Variants in CYFIP1 observed in about 807,000 individuals in gnomAD.
CYFIP1 encodes the protein cytoplasmic FMR1 interacting protein 1, also known as cytoplasmic FMR1-interacting protein 1.
CYFIP1 carries 58 observed loss-of-function variants against 163.5 expected under a neutral mutation model. The observed-to-expected ratio is 0.35, with a 90% CI of 0.29 to 0.44. CYFIP1 has a LOEUF of 0.44. CYFIP1 is among the 20% of genes least tolerant of loss of function. The pLI is 1.00. For synonymous variants in CYFIP1, 663 were observed against 660.7 expected, an observed-to-expected ratio of 1.00 and a Z score of -0.05; for missense variants, 1,338 against 1,653.8, an observed-to-expected ratio of 0.81 and a Z score of 3.31.
chr15:22,958,602 G>A (rs1030837310), intron 1 of CYFIP1, among the ~76,000 whole-genome samples: 1 of 152,204 alleles, frequency 6.6e-6, no homozygotes, highest in African/African-American at 2.4e-5. Context: ...TTCGGCCAGG[G>A]TCAGGCTGCC....
chr15:22,869,492 C>A lies in CYFIP1; in HGVS notation c.*536G>T, dbSNP rs1302503412. ...GATCTCATTAGTTTTATTTCTATAA[C>A]CTTTCGATCTGATGTCACGTTAGAT... On this transcript the variant is annotated 3_prime_UTR_variant, in exon 31 of 31. Coordinates refer to ENST00000617928, the MANE Select transcript of CYFIP1 (RefSeq NM_014608.6). The A allele has an allele frequency of 6.6e-6, 1 of 152,174 alleles. No homozygotes were observed. Among genetic ancestry groups the A allele is most frequent in the Non-Finnish European group, 1.5e-5 (1 of 68,108 alleles). 9.4% of individuals were successfully genotyped at this position (152,174 alleles called of 1,614,324 possible). A position where few individuals can be genotyped will look rare whatever the true frequency, so the allele number is the denominator to read the frequency against.
At chr15:22,897,215 G>C (rs4778467) in intron 22 of CYFIP1, among the ~76,000 whole-genome samples, 74,224 of 151,624 alleles carry the variant, frequency 0.49, 18,663 homozygotes, top group East Asian at 0.75. Flanking sequence ...CTCTGTCCCC[G>C]CAAAAAAAGG....
intron 1 of CYFIP1, among the ~76,000 whole-genome samples, chr15:22,957,871 A>G (rs1364221458): frequency 6.6e-6 from 1 of 152,226 alleles, no homozygotes; most frequent in African/African-American, 2.4e-5. Context: ...GAAGAAAAGC[A>G]TACTTTGCTG....
intron 23 of CYFIP1, among the ~76,000 whole-genome samples, chr15:22,889,082 A>G (rs1452689795): frequency 1.3e-5 from 2 of 152,082 alleles, no homozygotes; most frequent in African/African-American, 4.8e-5. Context: ...AAAAAGAAAA[A>G]CCATGTACTA....
At chr15:22,907,325 T>C (rs2060618338) in intron 21 of CYFIP1, among the ~76,000 whole-genome samples, 1 of 152,216 alleles carries the variant, frequency 6.6e-6, no homozygotes, top group South Asian at 2.1e-4. Flanking sequence ...TCAAATTGCC[T>C]GACTCACAGG....
At chr15:22,947,409 TG>T in intron 1 of CYFIP1, 118 bp from the exon 2 acceptor site, 1 of 1,404,424 alleles carries the variant, frequency 7.1e-7, no homozygotes, top group South Asian at 1.4e-5. Context: ...GCACCGGACA[TG>T]GCTGACAGGG....
At chr15:22,882,313 G>C (rs1005374030) in intron 24 of CYFIP1, among the ~76,000 whole-genome samples, 3 of 152,214 alleles carry the variant, frequency 2.0e-5, no homozygotes, top group Admixed American at 1.3e-4. Flanking sequence ...AGGCTCAGCT[G>C]TGGTGAGGTC....
intron 30 of CYFIP1, 137 bp from the exon 31 acceptor site, chr15:22,870,329 G>GT (rs11435642): frequency 0.5 from 413,731 of 829,778 alleles, 92,160 homozygotes; most frequent in Non-Finnish European, 0.52. Context: ...TTCTTTTTGG[G>GT]TTTTTTTTTG....
intron 9 of CYFIP1, among the ~76,000 whole-genome samples, chr15:22,935,289 C>T (rs1349788853): frequency 6.6e-6 from 1 of 152,188 alleles, no homozygotes; most frequent in African/African-American, 2.4e-5. Flanking sequence ...GACAGAGCCA[C>T]AGACAGATTC....
At position 22,903,767 on chromosome 15, in the gene CYFIP1, C is replaced by T. The variant is rs766903250; in HGVS notation, c.2527G>A (p.Val843Ile). ...SAPYGRITLHVFWELNYDFLP... is the reference protein window; with the variant it reads ...SAPYGRITLHIFWELNYDFLP... ...AAGTCATAGTTGAGCTCCCAGAAGA[C>T]GTGCAGGGTGATCCTCCCGTAGGGC... The change falls in exon 22 of 31, where the codon GTC (valine) becomes ATC (isoleucine). Residue 843 changes from valine (V) to isoleucine (I), a missense_variant. Val to Ile is a conservative substitution (Grantham distance 29, BLOSUM62 3). Around this residue, in one of 4 missense-constraint regions of CYFIP1, gnomAD observed 824 missense variants for 995.7 expected, o/e 0.83. Transcript: ENST00000617928. The T allele has an allele frequency of 1.5e-5, 24 of 1,614,064 alleles. No homozygotes were observed. Among genetic ancestry groups the T allele is most frequent in the East Asian group, 4.5e-5 (2 of 44,890 alleles).
chr15:22,912,429 C>T (rs2060819163), intron 17 of CYFIP1, 154 bp from the exon 18 acceptor site: 3 of 556,802 alleles, frequency 5.4e-6, no homozygotes, highest in South Asian at 5.5e-5. Context: ...TGTGAAAGCA[C>T]GTGGTGGCTG....
In CYFIP1 at chr15:22,926,098, T is replaced by C; in HGVS notation, c.1243A>G (p.Lys415Glu). ...TACTTGTCGGTGGGGTGCACAAGCT[T>C]CCAGGAATACTGTGGTGGCCGAAAG... ...SAHVMEVYSW[K>E]LVHPTDKYSN... Residue 415 changes from lysine to glutamate, a missense_variant, in exon 13 of 31, where the codon AAG becomes GAG. By Grantham distance (56) the Lys-to-Glu change is moderately conservative. Around this residue, in one of 4 missense-constraint regions of CYFIP1, gnomAD observed 824 missense variants for 995.7 expected, o/e 0.83. Coordinates refer to ENST00000617928, the MANE Select transcript of CYFIP1 (RefSeq NM_014608.6). 1.9e-6 allele frequency: 3 copies of C among 1,614,134 alleles called. No homozygotes were observed. Among genetic ancestry groups the C allele is most frequent in the Non-Finnish European group, 2.5e-6 (3 of 1,180,000 alleles).
rs114427417 is a variant in CYFIP1, at chr15:22,970,253, G to A, written c.-7+10034C>T. 9.2e-3 allele frequency among the ~76,000 whole-genome samples: 1,395 copies of A among 152,116 alleles called. 30 individuals are homozygous for A. The highest frequency in any genetic ancestry group is 0.031 in the African/African-American group (1,268 of 41,510). ...AAAAAATATAATCAAGGAGGTGAAA[G>A]ACTTACACACTAAAAAATATAAAAC... On this transcript the variant is annotated intron_variant, in intron 1 of 30. Transcript: ENST00000617928.
At chr15:22,890,417 G>A (rs953292841) in intron 23 of CYFIP1, among the ~76,000 whole-genome samples, 3 of 152,126 alleles carry the variant, frequency 2.0e-5, no homozygotes, top group Non-Finnish European at 2.9e-5. Flanking sequence ...ACAGGGCTTC[G>A]GGAAGTGAGG....
At chr15:22,883,755 T>G (rs2059847902) in intron 23 of CYFIP1, among the ~76,000 whole-genome samples, 1 of 146,050 alleles carries the variant, frequency 6.8e-6, no homozygotes, top group Admixed American at 7.0e-5. Context: ...ATGTGGAGCT[T>G]GCAGTGAGCC....
At chr15:22,871,617 A>T (rs1440101694) in intron 30 of CYFIP1, among the ~76,000 whole-genome samples, 5 of 152,156 alleles carry the variant, frequency 3.3e-5, no homozygotes, top group Admixed American at 2.6e-4. Context: ...GGACTGTAGA[A>T]CAGGGAGAGT....
chr15:22,904,826 A>G (rs1215702707), intron 21 of CYFIP1: 1 of 152,150 alleles, frequency 6.6e-6, no homozygotes, highest in African/African-American at 2.4e-5. Flanking sequence ...GTTTGACTCT[A>G]AGGATGAATA....
Position 22,896,426 on chromosome 15 carries a change from C to T in CYFIP1, c.2589-3449G>A, listed in dbSNP as rs144054492. 2.9e-3 allele frequency among the ~76,000 whole-genome samples: 443 copies of T among 152,114 alleles called. 6 individuals carry two copies. The highest frequency in any genetic ancestry group is 0.01 in the African/African-American group (415 of 41,462). ...ATTAATTTTGAAATCTTTTCTGCCC[C>T]CCGACAACCTCTTACTAGGATTCCA... On this transcript the variant is annotated intron_variant, in intron 22 of 30. Transcript: ENST00000617928.
chr15:22,916,655 T>C, intron 15 of CYFIP1, 25 bp from the exon 16 acceptor site: 1 of 1,613,966 alleles, frequency 6.2e-7, no homozygotes, highest in Non-Finnish European at 8.5e-7. Context: ...GAAACATTTG[T>C]GGGGGAGAAA....
Sources: gnomAD v4.1 joint callset for allele counts (sites outside exome capture counted in the v4.1 genomes callset) on GRCh38, gnomAD v4.1.1 for gene constraint, gnomAD v4.1.1 regional missense constraint, MANE v1.5 for transcripts, NCBI Gene and HGNC (gene_info 2026-07-23, HGNC 2026-07-21) for gene names.